Variants in DAZAP1 observed in about 807,000 individuals in gnomAD.
The protein encoded by DAZAP1 is DAZ associated protein 1, also known as DAZ-associated protein 1.
A neutral mutation model predicts 60.1 loss-of-function variants in DAZAP1; 6 were observed. The ratio of observed to expected loss-of-function variants is 0.10; its 90% CI spans 0.05 to 0.20. The LOEUF is 0.20. Among genes scored for constraint, DAZAP1 ranks in the 10% least tolerant of loss-of-function variants. DAZAP1 has a pLI of 1.00. For missense variants in DAZAP1, 366 were observed against 560.4 expected, an observed-to-expected ratio of 0.65 and a Z score of 3.50; for synonymous variants, 235 against 215.9, an observed-to-expected ratio of 1.09 and a Z score of -0.78.
At chr19:1,424,460 C>G (rs1356481989) in intron 6 of DAZAP1, among the ~76,000 whole-genome samples, 1 of 151,192 alleles carries the variant, frequency 6.6e-6, no homozygotes, top group African/African-American at 2.4e-5. Flanking sequence ...CCACAGTGAC[C>G]TTTGTCCCCT....
rs1600219458 is a variant in DAZAP1 at position 1,422,244 on chromosome 19, C to T, written c.415-104C>T. ...GCACCTCCCCCGCTCAGGGAGGGCG[C>T]ACCCTGTGCGAGAGTTTGGGTTCGT... On this transcript the variant is annotated intron_variant, in intron 5 of 11. Coordinates refer to ENST00000233078, the MANE Select transcript of DAZAP1 (RefSeq NM_018959.4). The surrounding 1 kb of genome is among the most constrained non-coding windows in gnomAD (Gnocchi z 4.5). 8.5e-6 allele frequency: 9 copies of T among 1,056,650 alleles called. No homozygotes were observed. In the East Asian group the frequency reaches 1.2e-4, roughly 14 times the overall value. 65.5% of individuals were successfully genotyped at this position (1,056,650 alleles called of 1,614,324 possible).
chr19:1,410,843 G>A (rs997879186), intron 1 of DAZAP1, among the ~76,000 whole-genome samples: 1 of 152,226 alleles, frequency 6.6e-6, no homozygotes, highest in African/African-American at 2.4e-5. Context: ...GTAAGACAGG[G>A]ACACCTGGAA....
chr19:1,423,586 G>A lies in DAZAP1; in HGVS notation c.463+1190G>A, dbSNP rs1169289427. ...CTTGACAGCCGCATTCCTAGACAGC[G>A]CTCAGGGCGCCTCCCCCAGGACCCA... On this transcript the variant is annotated intron_variant, in intron 6 of 11. Coordinates refer to ENST00000233078, the MANE Select transcript of DAZAP1 (RefSeq NM_018959.4). The surrounding 1 kb of genome is among the most constrained non-coding windows in gnomAD (Gnocchi z 6.8). 1.3e-5 allele frequency among the ~76,000 whole-genome samples: 2 copies of A among 152,192 alleles called. No individual in the cohort carries two copies. Among genetic ancestry groups the A allele is most frequent in the Non-Finnish European group, 2.9e-5 (2 of 68,030 alleles).
rs1440267107 is a variant in DAZAP1, at chr19:1,423,996, C to T, written c.463+1600C>T. On this transcript the variant is annotated intron_variant, in intron 6 of 11. Transcript: ENST00000233078. This position sits in a 1 kb window ranked among gnomAD's most constrained non-coding sequence, Gnocchi z 6.8. ...GTGGAGGGCCGGAGAGACGCTGCGG[C>T]GCTGCTTAGCGGGTCCTCCCAGAGA... Among the ~76,000 whole-genome samples the T allele has an allele frequency of 3.9e-5, 6 of 152,322 alleles. No homozygotes were observed. The highest frequency in any genetic ancestry group is 3.9e-4 in the East Asian group (2 of 5,180).
chr19:1,409,508 G>A (rs778679889), intron 1 of DAZAP1, among the ~76,000 whole-genome samples: 20 of 152,232 alleles, frequency 1.3e-4, no homozygotes, highest in Admixed American at 1.2e-3. Flanking sequence ...CACGGGCTGC[G>A]TGGAGGAGAA....
intron 1 of DAZAP1, among the ~76,000 whole-genome samples, chr19:1,409,126 C>T (rs983943788): frequency 2.6e-5 from 4 of 152,228 alleles, no homozygotes; most frequent in Non-Finnish European, 5.9e-5. Flanking sequence ...AAGCACTTAG[C>T]CCCTGCCTAG....
At chr19:1,424,327 C>G (rs1452985575) in intron 6 of DAZAP1, among the ~76,000 whole-genome samples, 4 of 136,408 alleles carry the variant, frequency 2.9e-5, no homozygotes, top group Non-Finnish European at 6.4e-5. Flanking sequence ...TCCTCCTCCT[C>G]TTCCCCCTCC....
At chr19:1,410,925 G>A (rs1309794144) in intron 1 of DAZAP1, among the ~76,000 whole-genome samples, 1 of 152,230 alleles carries the variant, frequency 6.6e-6, no homozygotes, top group East Asian at 1.9e-4. Context: ...GGGCAGCTTC[G>A]AGGATACCCA....
rs868404605 is a variant in DAZAP1, at chr19:1,425,161, G to A, written c.464-717G>A. On this transcript the variant is annotated intron_variant, in intron 6 of 11. Transcript: ENST00000233078. The surrounding 1 kb of genome is among the most constrained non-coding windows in gnomAD (Gnocchi z 5.4). Reference sequence around the variant, plus strand: ...ATCTTTGTGCATTGTTTCTCTACCTGTATAGAACATGCATAGATGTCTACG... The same window carrying A: ...ATCTTTGTGCATTGTTTCTCTACCTATATAGAACATGCATAGATGTCTACG... Among the ~76,000 whole-genome samples the A allele has an allele frequency of 6.6e-6, 1 of 152,196 alleles. No homozygotes were observed. The highest frequency in any genetic ancestry group is 2.4e-5 in the African/African-American group (1 of 41,440).
At chr19:1,429,883 T>G (rs554618309) in intron 8 of DAZAP1, 84 bp from the exon 9 acceptor site, 3 of 1,531,354 alleles carry the variant, frequency 2.0e-6, no homozygotes, top group African/African-American at 2.7e-5. Flanking sequence ...TCCCAGCCCT[T>G]GACGTCCATG....
intron 2 of DAZAP1, among the ~76,000 whole-genome samples, 172 bp downstream of exon 2, chr19:1,417,712 T>C (rs958078756): frequency 6.6e-6 from 1 of 152,238 alleles, no homozygotes; most frequent in African/African-American, 2.4e-5. Flanking sequence ...CTGAGACTGT[T>C]AATTTGGTAT....
In DAZAP1 at chr19:1,409,003, G is replaced by A. The variant is rs374433843; in HGVS notation, c.29+1201G>A. On this transcript the variant is annotated intron_variant, in intron 1 of 11. Coordinates refer to ENST00000233078, the MANE Select transcript of DAZAP1 (RefSeq NM_018959.4). ...TTGCTGCTAGAGGGTTGCCTTGGCA[G>A]GCGCCTCTCGCACCAGCTACAGGTC... Among the ~76,000 whole-genome samples the A allele has an allele frequency of 3.2e-4, 48 of 152,350 alleles. No homozygotes were observed. The South Asian group carries it at 9.5e-3, about 30-fold the overall frequency.
At chr19:1,417,146 C>G (rs1463205055) in intron 1 of DAZAP1, 3 of 313,706 alleles carry the variant, frequency 9.6e-6, no homozygotes, top group African/African-American at 2.3e-5. Flanking sequence ...AAAATACTCG[C>G]AAAAGCTGTA....
At chr19:1,421,512 C>G (rs547017119) in intron 5 of DAZAP1, among the ~76,000 whole-genome samples, 2 of 152,260 alleles carry the variant, frequency 1.3e-5, no homozygotes, top group Non-Finnish European at 2.9e-5. Context: ...GGCGGCCGCC[C>G]GATTCCATTG....
intron 10 of DAZAP1, chr19:1,431,993 G>A (rs1054045055): frequency 1.2e-5 from 2 of 166,146 alleles, no homozygotes; most frequent in South Asian, 1.4e-4. Flanking sequence ...CTCTGCACAC[G>A]GAGGCCTGTG....
Position 1,421,270 on chromosome 19 carries a change from C to T in DAZAP1, c.414+12C>T. ...AGAAGTTCGGAGTGGTGAGTTTCTC[C>T]CCACCCCGGCAGCACTGTGGGGACA... On this transcript the variant is annotated intron_variant, in intron 5 of 11. Transcript: ENST00000233078. The T allele has an allele frequency of 6.2e-7, 1 of 1,607,492 alleles. No individual in the cohort carries two copies. The highest frequency in any genetic ancestry group is 2.2e-5 in the East Asian group (1 of 44,846).
chr19:1,422,565 A>G lies in DAZAP1; in HGVS notation c.463+169A>G, dbSNP rs2083188570. Among the ~76,000 whole-genome samples the G allele has an allele frequency of 6.6e-6, 1 of 152,170 alleles. No individual in the cohort carries two copies. Among genetic ancestry groups the G allele is most frequent in the Non-Finnish European group, 1.5e-5 (1 of 68,036 alleles). ...TGGGCTCCTCATGTGCACCCCATTCAGCCTGTCTGTGCTTCCCGAGGTCAG... is the reference window on the plus strand; with the variant it reads ...TGGGCTCCTCATGTGCACCCCATTCGGCCTGTCTGTGCTTCCCGAGGTCAG... On this transcript the variant is annotated intron_variant, in intron 6 of 11. Transcript: ENST00000233078. The surrounding 1 kb of genome is among the most constrained non-coding windows in gnomAD (Gnocchi z 4.5).
At position 1,434,814 on chromosome 19, in the gene DAZAP1, C is replaced by A; in HGVS notation, c.1126C>A (p.Pro376Thr). Residue 376 changes from proline (P) to threonine (T), a missense_variant, in exon 12 of 12, where the codon CCC (proline) becomes ACC (threonine). This residue lies in a region of DAZAP1 where 240 missense variants were observed against 308.8 expected (regional missense o/e 0.78). Coordinates refer to ENST00000233078, the MANE Select transcript of DAZAP1 (RefSeq NM_018959.4). The surrounding 1 kb of genome is among the most constrained non-coding windows in gnomAD (Gnocchi z 8.0). ...CCAGCAGCCTCCTTCCTACGGGGGT[C>A]CCTCCGTGCCAGGGTCGGGGGGCCC... ...PSQQPPSYGG[P>T]SVPGSGGPPA... 1 of 1,610,704 alleles carries A rather than the reference C, an allele frequency of 6.2e-7. No homozygotes were observed.
At chr19:1,424,342 CCTCCT>C (rs1216192027) in intron 6 of DAZAP1, among the ~76,000 whole-genome samples, 7 of 97,540 alleles carry the variant, frequency 7.2e-5, no homozygotes, top group African/African-American at 2.3e-4. Context: ...CCCTCCCCCT[CCTCCT>C]CCCCCTCCCC....
Sources: gnomAD v4.1 joint callset for allele counts (sites outside exome capture counted in the v4.1 genomes callset) on GRCh38, gnomAD v4.1.1 for gene constraint, gnomAD v4.1.1 regional missense constraint, Gnocchi (gnomAD v3.1) non-coding constraint, MANE v1.5 for transcripts, NCBI Gene and HGNC (gene_info 2026-07-23, HGNC 2026-07-21) for gene names.